The following PDE1A variants were observed in gnomAD, a reference collection of about 807,000 sequenced individuals.
The protein encoded by PDE1A is dual specificity calcium/calmodulin-dependent 3',5'-cyclic nucleotide phosphodiesterase 1A.
In PDE1A, 35 loss-of-function variants were observed where a neutral mutation model predicts 61.7. That is an observed-to-expected ratio of 0.57 (90% CI 0.43 to 0.75). The LOEUF (loss-of-function observed/expected upper bound fraction) is 0.75, where lower values mean the gene tolerates loss of function less well. Among genes scored for constraint, PDE1A ranks in the 30% least tolerant of loss-of-function variants. The pLI is 0.00. For synonymous variants in PDE1A, 232 were observed against 213.2 expected (o/e 1.09, Z -0.77); for missense variants, 597 against 630.6 (o/e 0.95, Z 0.57).
chr2:182,288,841 C>T (rs976241095), intron 1 of PDE1A, among the ~76,000 whole-genome samples: 1 of 152,056 alleles, frequency 6.6e-6, no homozygotes, highest in Non-Finnish European at 1.5e-5. Context: ...AAATGATGCA[C>T]ATTAGAAGTT....
chr2:182,392,044 A>G (rs552856315), intron 1 of PDE1A, among the ~76,000 whole-genome samples: 1 of 152,306 alleles, frequency 6.6e-6, no homozygotes, highest in East Asian at 1.9e-4. Flanking sequence ...ACTACTGACA[A>G]TTTATACTGT....
chr2:182,653,533 A>G, the PDE1A span, among the ~76,000 whole-genome samples: 2 of 152,196 alleles, frequency 1.3e-5, no homozygotes, highest in East Asian at 3.8e-4. Context: ...TTGCTTTTGT[A>G]AATCATACAT....
the PDE1A span, among the ~76,000 whole-genome samples, chr2:182,573,175 A>G: frequency 6.6e-6 from 1 of 152,280 alleles, no homozygotes; most frequent in Admixed American, 6.5e-5. Flanking sequence ...GTTTATGACT[A>G]CATTGTAATG....
At chr2:182,689,992 T>A in the PDE1A span, among the ~76,000 whole-genome samples, 10 of 152,110 alleles carry the variant, frequency 6.6e-5, no homozygotes, top group African/African-American at 2.2e-4. Flanking sequence ...AGAAGTAGAA[T>A]CTCGTAATAG....
chr2:182,476,497 AAATT>A (rs1687375425), intron 2 of PDE1A, among the ~76,000 whole-genome samples: 1 of 151,908 alleles, frequency 6.6e-6, no homozygotes, highest in Non-Finnish European at 1.5e-5. Flanking sequence ...TCAAATAAAT[AAATT>A]AATTAAATAA....
At chr2:182,535,082 T>C in the PDE1A span, among the ~76,000 whole-genome samples, 1 of 151,544 alleles carries the variant, frequency 6.6e-6, no homozygotes, top group African/African-American at 2.4e-5. Context: ...AGTATTTTTT[T>C]ATATATAAGT....
intron 11 of PDE1A, among the ~76,000 whole-genome samples, chr2:182,187,557 T>C (rs1220282028): frequency 6.6e-6 from 1 of 152,098 alleles, no homozygotes; most frequent in Non-Finnish European, 1.5e-5. Context: ...TTAAAGATTG[T>C]CCATCAGATG....
rs185838514 is a variant in PDE1A at position 182,485,674 on chromosome 2, G to A, written c.101+36602C>T. Reference sequence around the variant, plus strand: ...CAAGTGAGATTTATCCCAGGAATGCGAGACAAGTTTAAAATATAAAAATTA... The same window carrying A: ...CAAGTGAGATTTATCCCAGGAATGCAAGACAAGTTTAAAATATAAAAATTA... On this transcript the variant is annotated intron_variant, in intron 2 of 14. Coordinates refer to the PDE1A transcript ENST00000410103. Among the ~76,000 whole-genome samples, 122 of 151,986 alleles carry A rather than the reference G, an allele frequency of 8.0e-4. 1 individual carries two copies. In the East Asian group the frequency reaches 0.019, roughly 24 times the overall value.
At chr2:182,545,092 T>C in the PDE1A span, among the ~76,000 whole-genome samples, 1 of 152,186 alleles carries the variant, frequency 6.6e-6, no homozygotes, top group Non-Finnish European at 1.5e-5. Context: ...TTTTCTTAGT[T>C]CATAGCCATT....
chr2:182,608,688 G>C, the PDE1A span, among the ~76,000 whole-genome samples: 1 of 152,212 alleles, frequency 6.6e-6, no homozygotes, highest in Non-Finnish European at 1.5e-5. Context: ...AGCTTCCGCC[G>C]TGGACTCCTG....
chr2:182,370,551 C>A (rs1700075092), intron 1 of PDE1A, among the ~76,000 whole-genome samples: 1 of 152,142 alleles, frequency 6.6e-6, no homozygotes, highest in Non-Finnish European at 1.5e-5. Flanking sequence ...TCAGAGGGGG[C>A]AGATGATTGA....
At chr2:182,342,110 C>T (rs1698223869) in intron 1 of PDE1A, among the ~76,000 whole-genome samples, 1 of 152,092 alleles carries the variant, frequency 6.6e-6, no homozygotes, top group South Asian at 2.1e-4. Context: ...AGAATTTTCT[C>T]ATATTTGCTC....
upstream of PDE1A, among the ~76,000 whole-genome samples, chr2:182,525,999 T>C (rs1174216497): frequency 2.0e-5 from 3 of 152,102 alleles, no homozygotes; most frequent in African/African-American, 7.2e-5. Context: ...TTAGCATCTG[T>C]GAAGAAGGGC....
intron 1 of PDE1A, among the ~76,000 whole-genome samples, chr2:182,408,176 T>C (rs1702409622): frequency 3.7e-5 from 4 of 107,288 alleles, no homozygotes; most frequent in Admixed American, 3.2e-4. Context: ...TTTAAAAGTA[T>C]CTGCCAAAAA....
intron 2 of PDE1A, among the ~76,000 whole-genome samples, chr2:182,498,810 G>T (rs985324087): frequency 2.6e-5 from 4 of 152,078 alleles, no homozygotes; most frequent in African/African-American, 7.2e-5. Flanking sequence ...CGGACGCGGT[G>T]GCGGGCGCCT....
At chr2:182,440,793 T>C (rs1040773568) in intron 2 of PDE1A, among the ~76,000 whole-genome samples, 3 of 151,844 alleles carry the variant, frequency 2.0e-5, no homozygotes, top group Non-Finnish European at 4.4e-5. Flanking sequence ...TCATGGGTTT[T>C]TTTTTGCTTT....
chr2:182,553,427 A>T, the PDE1A span, among the ~76,000 whole-genome samples: 7 of 152,184 alleles, frequency 4.6e-5, no homozygotes, highest in Non-Finnish European at 1.5e-5. Flanking sequence ...ACAGGGTTTC[A>T]CCATGTTGGC....
chr2:182,423,890 A>T (rs1424229733), intron 1 of PDE1A, among the ~76,000 whole-genome samples: 1 of 151,902 alleles, frequency 6.6e-6, no homozygotes, highest in Non-Finnish European at 1.5e-5. Flanking sequence ...CTGTATATAG[A>T]AATTTGAAAC....
intron 2 of PDE1A, among the ~76,000 whole-genome samples, chr2:182,449,984 A>G (rs191746589): frequency 1.6e-3 from 242 of 152,258 alleles, no homozygotes; most frequent in South Asian, 5.0e-3. Context: ...TGGATCATCC[A>G]TGTAAAGCAT....
Sources: gnomAD v4.1 joint callset for allele counts (sites outside exome capture counted in the v4.1 genomes callset) on GRCh38, gnomAD v4.1.1 for gene constraint, MANE v1.5 for transcripts, NCBI Gene and HGNC (gene_info 2026-07-23, HGNC 2026-07-21) for gene names.